Variants in TEC observed in about 807,000 individuals in gnomAD.
TEC encodes the protein tyrosine-protein kinase Tec.
Under a neutral mutation model 93.0 loss-of-function variants are expected in TEC, and 72 were observed. The observed-to-expected ratio is 0.77, with a 90% CI of 0.64 to 0.94. The LOEUF is 0.94. TEC is among the 40% of genes least tolerant of loss of function. The pLI is 0.00. For missense variants in TEC, 630 were observed against 757.9 expected (o/e 0.83, Z 1.98); for synonymous variants, 249 against 247.7 (o/e 1.01, Z -0.05).
intron 15 of TEC, 67 bp from the exon 16 acceptor site, chr4:48,139,089 A>AT: frequency 3.6e-6 from 5 of 1,379,768 alleles, no homozygotes; most frequent in South Asian, 3.6e-5. Flanking sequence ...TTGCTCTTTC[A>AT]TTTTTTTCCC....
At chr4:48,223,429 C>T (rs1486495739) in intron 2 of TEC, among the ~76,000 whole-genome samples, 2 of 151,968 alleles carry the variant, frequency 1.3e-5, no homozygotes, top group Non-Finnish European at 2.9e-5. Context: ...AGAAATATAC[C>T]TGCAATTTCT....
At chr4:48,181,223 T>C (rs1721570238) in intron 2 of TEC, among the ~76,000 whole-genome samples, 1 of 152,184 alleles carries the variant, frequency 6.6e-6, no homozygotes. Flanking sequence ...CTTAGCACTG[T>C]CTTTATAGAT....
chr4:48,173,871 C>T (rs1721216177), intron 3 of TEC, among the ~76,000 whole-genome samples: 1 of 152,186 alleles, frequency 6.6e-6, no homozygotes. Context: ...ACCATCCCAT[C>T]TAGGCAGCTG....
intron 2 of TEC, among the ~76,000 whole-genome samples, chr4:48,223,017 G>C (rs1416050044): frequency 1.3e-5 from 2 of 152,110 alleles, no homozygotes; most frequent in East Asian, 3.9e-4. Flanking sequence ...ACAGGAACTG[G>C]TAACAGATCA....
In TEC at chr4:48,231,116, G is replaced by T. The variant is rs530591364; in HGVS notation, c.-45-2457C>A. 2.0e-5 allele frequency among the ~76,000 whole-genome samples: 3 copies of T among 152,276 alleles called. No homozygotes were observed. In the East Asian group the frequency reaches 5.8e-4, roughly 29 times the overall value. The stretch of plus-strand genomic sequence containing the variant: ...AGGTTTTTTTATTCAGTTGGTCTGG[G>T]GAGGAGCCCTGAGCATCATGATTTC... On this transcript the variant is annotated intron_variant, in intron 1 of 17. Transcript: ENST00000381501.
At position 48,189,690 on chromosome 4, in the gene TEC, G is replaced by A. The variant is rs78609278; in HGVS notation, c.139-13504C>T. Among the ~76,000 whole-genome samples the A allele has an allele frequency of 2.8e-3, 429 of 152,302 alleles. 10 individuals carry two copies. The East Asian group carries it at 0.054, about 19-fold the overall frequency. On this transcript the variant is annotated intron_variant, in intron 2 of 17. Coordinates refer to ENST00000381501, the MANE Select transcript of TEC (RefSeq NM_003215.3). ...GAATCTGGCAGCAAAGATGCAAAAT[G>A]ATCAGATTCCATGTGGTGAATGGAA...
chr4:48,188,771 A>G (rs1029685682), intron 2 of TEC, among the ~76,000 whole-genome samples: 1 of 152,228 alleles, frequency 6.6e-6, no homozygotes, highest in African/African-American at 2.4e-5. Flanking sequence ...ATGCAGGACT[A>G]AAAGGAATTC....
At chr4:48,223,632 T>C (rs1723338526) in intron 2 of TEC, among the ~76,000 whole-genome samples, 1 of 152,222 alleles carries the variant, frequency 6.6e-6, no homozygotes. Context: ...GGTTGTATCA[T>C]TTTTACTACT....
chr4:48,218,646 A>AAT (rs747376133), intron 2 of TEC, among the ~76,000 whole-genome samples: 6 of 152,208 alleles, frequency 3.9e-5, no homozygotes, highest in Non-Finnish European at 5.9e-5. Flanking sequence ...GGAACCACCT[A>AAT]ATATACGAAT....
intron 8 of TEC, among the ~76,000 whole-genome samples, chr4:48,158,510 T>A (rs1391290519): frequency 6.6e-6 from 1 of 152,176 alleles, no homozygotes; most frequent in Non-Finnish European, 1.5e-5. Context: ...ATAAGAAACA[T>A]TTGTCAAGTG....
intron 8 of TEC, among the ~76,000 whole-genome samples, chr4:48,162,015 T>C (rs1019771021): frequency 3.3e-5 from 5 of 152,202 alleles, no homozygotes; most frequent in African/African-American, 9.6e-5. Context: ...CGTGAGTCAG[T>C]ACTCCTTAAT....
At chr4:48,147,563 A>T (rs1719968562) in intron 11 of TEC, among the ~76,000 whole-genome samples, 1 of 152,188 alleles carries the variant, frequency 6.6e-6, no homozygotes, top group Non-Finnish European at 1.5e-5. Context: ...TATAGTTTGT[A>T]CATATCTAGG....
intron 1 of TEC, among the ~76,000 whole-genome samples, chr4:48,259,936 C>A (rs1724452979): frequency 6.6e-6 from 1 of 152,128 alleles, no homozygotes; most frequent in African/African-American, 2.4e-5. Flanking sequence ...CCGGGTCACA[C>A]AAAGTTTCAT....
At chr4:48,198,664 T>G (rs948991518) in intron 2 of TEC, among the ~76,000 whole-genome samples, 1 of 152,190 alleles carries the variant, frequency 6.6e-6, no homozygotes, top group East Asian at 1.9e-4. Flanking sequence ...AAATAAAAAT[T>G]CTATGCTTTT....
intron 1 of TEC, among the ~76,000 whole-genome samples, chr4:48,231,751 C>T (rs569668936): frequency 5.7e-4 from 86 of 151,502 alleles, no homozygotes; most frequent in African/African-American, 1.8e-3. Context: ...AGCAAGACTC[C>T]GTCTGAAAAA....
chr4:48,214,990 T>TA (rs1208539799), intron 2 of TEC, among the ~76,000 whole-genome samples: 2 of 151,638 alleles, frequency 1.3e-5, no homozygotes, highest in Non-Finnish European at 2.9e-5. Flanking sequence ...CTGTCTCTAC[T>TA]AAAAATACAA....
chr4:48,221,681 T>C (rs1203623112), intron 2 of TEC, among the ~76,000 whole-genome samples: 3 of 152,130 alleles, frequency 2.0e-5, no homozygotes, highest in Non-Finnish European at 4.4e-5. Flanking sequence ...GTAGGCATGA[T>C]AGATTAAATC....
chr4:48,151,203 A>C (rs1374079892), intron 9 of TEC, among the ~76,000 whole-genome samples: 1 of 152,236 alleles, frequency 6.6e-6, no homozygotes, highest in African/African-American at 2.4e-5. Context: ...ATGAATGGTG[A>C]GACATTTCAA....
intron 8 of TEC, among the ~76,000 whole-genome samples, chr4:48,157,047 T>G (rs568479707): frequency 6.6e-6 from 1 of 152,342 alleles, no homozygotes; most frequent in Non-Finnish European, 1.5e-5. Flanking sequence ...TGCAAATCAA[T>G]ATAGGTCTAC....
Sources: allele counts gnomAD v4.1 joint callset (sites outside exome capture counted in the v4.1 genomes callset), GRCh38; gene constraint gnomAD v4.1.1; transcripts MANE v1.5; gene names NCBI Gene and HGNC (gene_info 2026-07-23, HGNC 2026-07-21).